GFRA1: variants seen among roughly 807,000 people sequenced by gnomAD.
The protein encoded by GFRA1 is GDNF family receptor alpha-1.
Under a neutral mutation model 51.6 loss-of-function variants are expected in GFRA1, and 16 were observed. The observed-to-expected ratio is 0.31, with a 90% CI of 0.21 to 0.47. The LOEUF is 0.47. GFRA1 is among the 20% of genes least tolerant of loss of function. The pLI is 1.00. For synonymous variants in GFRA1, 270 were observed against 241.3 expected (o/e 1.12, Z -1.10); for missense variants, 530 against 594.3 (o/e 0.89, Z 1.13).
intron 7 of GFRA1, among the ~76,000 whole-genome samples, chr10:116,094,567 A>G: frequency 6.6e-6 from 1 of 152,198 alleles, no homozygotes; most frequent in South Asian, 2.1e-4. Flanking sequence ...TCCAAACCAA[A>G]TGTCTTCTCC....
chr10:116,198,356 A>T (rs1964061288), intron 5 of GFRA1, among the ~76,000 whole-genome samples: 1 of 152,160 alleles, frequency 6.6e-6, no homozygotes, highest in African/African-American at 2.4e-5. Flanking sequence ...AATCCTTCAG[A>T]GATTCACTCA....
intron 5 of GFRA1, among the ~76,000 whole-genome samples, chr10:116,204,614 G>A (rs1964588347): frequency 6.6e-6 from 1 of 152,172 alleles, no homozygotes; most frequent in Non-Finnish European, 1.5e-5. Context: ...GGTTACTTTT[G>A]TTAAGGAATA....
chr10:116,057,748 A>G lies in GFRA1; in HGVS notation c.*6650T>C, dbSNP rs1589752024. 1 of 138,328 alleles carries G rather than the reference A, an allele frequency of 7.2e-6. No individual in the cohort carries two copies. Among genetic ancestry groups the G allele is most frequent in the Non-Finnish European group, 1.5e-5 (1 of 65,154 alleles). 8.6% of individuals were successfully genotyped at this position (138,328 alleles called of 1,614,324 possible). On this transcript the variant is annotated 3_prime_UTR_variant, in exon 11 of 11. Transcript: ENST00000355422. Reference sequence around the variant, plus strand: ...TTTCTGAAACTGTTTTTTTTTTTTCAACCCTCGGAGGACAATCAGCTCTTC... The same window carrying G: ...TTTCTGAAACTGTTTTTTTTTTTTCGACCCTCGGAGGACAATCAGCTCTTC...
intron 5 of GFRA1, among the ~76,000 whole-genome samples, chr10:116,186,864 G>A (rs563574845): frequency 5.3e-5 from 8 of 152,238 alleles, no homozygotes; most frequent in African/African-American, 1.9e-4. Context: ...CGGCCCTTGC[G>A]AGCTTGAAAG....
At chr10:116,122,216 A>C (rs1169647717) in intron 6 of GFRA1, among the ~76,000 whole-genome samples, 3 of 152,120 alleles carry the variant, frequency 2.0e-5, no homozygotes, top group African/African-American at 7.2e-5. Context: ...ACAGCCTCTG[A>C]GCTTCTCCCA....
Position 116,061,756 on chromosome 10 carries a change from G to C in GFRA1, c.*2642C>G, listed in dbSNP as rs916241770. The C allele has an allele frequency of 2.4e-5, 9 of 374,682 alleles. No homozygotes were observed. The Admixed American group carries it at 4.1e-4, about 17-fold the overall frequency. The allele number at this position is 374,682 out of a possible 1,614,324, so 23.2% of individuals were successfully genotyped here. The stretch of plus-strand genomic sequence containing the variant: ...GGACAGGAAGTAGCGAATCATTTTT[G>C]CTTTTAAGCACGCCAAGAAGAAGTG... On this transcript the variant is annotated 3_prime_UTR_variant, in exon 11 of 11. Coordinates refer to ENST00000355422, the MANE Select transcript of GFRA1 (RefSeq NM_005264.8).
chr10:116,092,151 G>A (rs1421090352), intron 8 of GFRA1, among the ~76,000 whole-genome samples: 1 of 135,484 alleles, frequency 7.4e-6, no homozygotes, highest in African/African-American at 2.6e-5. Context: ...TTTCAGTCGA[G>A]ACCAAATAAG....
chr10:116,190,649 ACTCGTGAT>A (rs1963169163), intron 5 of GFRA1, among the ~76,000 whole-genome samples: 2 of 152,082 alleles, frequency 1.3e-5, no homozygotes, highest in Admixed American at 1.3e-4. Flanking sequence ...AAAACCCCAG[ACTCGTGAT>A]CTACCAATCC....
At chr10:116,118,699 T>C (rs1957526465) in intron 6 of GFRA1, among the ~76,000 whole-genome samples, 1 of 152,176 alleles carries the variant, frequency 6.6e-6, no homozygotes, top group Admixed American at 6.5e-5. Context: ...GATGGTCTGG[T>C]GCCATGAGTC....
chr10:116,079,449 A>G (rs2133827641), intron 9 of GFRA1, among the ~76,000 whole-genome samples: 1 of 151,990 alleles, frequency 6.6e-6, no homozygotes, highest in East Asian at 1.9e-4. Flanking sequence ...AGGAAGAAAC[A>G]CGAGGATTCT....
At chr10:116,086,032 C>G (rs1293382638) in intron 9 of GFRA1, among the ~76,000 whole-genome samples, 1 of 152,148 alleles carries the variant, frequency 6.6e-6, no homozygotes, top group Non-Finnish European at 1.5e-5. Context: ...AGTGCCTTGG[C>G]CTCAAAGTTA....
intron 4 of GFRA1, among the ~76,000 whole-genome samples, chr10:116,225,983 T>A (rs1966267869): frequency 6.6e-6 from 1 of 152,200 alleles, no homozygotes; most frequent in South Asian, 2.1e-4. Flanking sequence ...ATGTGGCTCA[T>A]ATTATGTTTC....
intron 6 of GFRA1, among the ~76,000 whole-genome samples, chr10:116,118,342 C>A (rs1957511964): frequency 6.6e-6 from 1 of 152,196 alleles, no homozygotes; most frequent in Non-Finnish European, 1.5e-5. Context: ...TGGGAGCTCT[C>A]TGATGCTCTC....
intron 5 of GFRA1, among the ~76,000 whole-genome samples, chr10:116,190,972 G>A (rs1156240120): frequency 9.2e-5 from 14 of 152,188 alleles, no homozygotes; most frequent in Admixed American, 9.2e-4. Context: ...AAAAACAAGA[G>A]AATCCGAGGG....
intron 5 of GFRA1, among the ~76,000 whole-genome samples, chr10:116,154,125 C>G (rs1036406563): frequency 6.6e-6 from 1 of 152,108 alleles, no homozygotes; most frequent in Admixed American, 6.5e-5. Flanking sequence ...CTCTTACAAT[C>G]TGCTGGTGGG....
chr10:116,116,463 GTGAGGGT>G (rs1957416449), intron 6 of GFRA1, among the ~76,000 whole-genome samples: 2 of 152,226 alleles, frequency 1.3e-5, no homozygotes, highest in Admixed American at 1.3e-4. Context: ...CTTCAGGTAG[GTGAGGGT>G]TGAGGACACT....
intron 5 of GFRA1, among the ~76,000 whole-genome samples, chr10:116,144,903 C>G (rs773733793): frequency 5.9e-5 from 9 of 151,906 alleles, no homozygotes; most frequent in Non-Finnish European, 1.0e-4. Context: ...AATCCCAGCA[C>G]TTTGGGAGGC....
At position 116,062,272 on chromosome 10, in the gene GFRA1, T is replaced by C. The variant is rs2133747769; in HGVS notation, c.*2126A>G. On this transcript the variant is annotated 3_prime_UTR_variant, in exon 11 of 11. Transcript: ENST00000355422. ...CAGAGATACCTTAATGAAAACAAAA[T>C]ACACTCTGTAAGAGATATGCGCTCA... 2.5e-6 allele frequency: 1 copy of C among 396,996 alleles called. No homozygotes were observed. Among genetic ancestry groups the C allele is most frequent in the South Asian group, 1.4e-4 (1 of 7,118 alleles). The allele number at this position is 396,996 out of a possible 1,614,324, so 24.6% of individuals were successfully genotyped here. A position where few individuals can be genotyped will look rare whatever the true frequency, so the allele number is the denominator to read the frequency against.
At chr10:116,101,786 G>A (rs3781514) in intron 6 of GFRA1, among the ~76,000 whole-genome samples, 18,214 of 152,140 alleles carry the variant, frequency 0.12, 1,336 homozygotes, top group Non-Finnish European at 0.16. Flanking sequence ...GTGGAATTGA[G>A]CCTTGGACTG....
Sources: gnomAD v4.1 joint callset for allele counts (sites outside exome capture counted in the v4.1 genomes callset) on GRCh38, gnomAD v4.1.1 for gene constraint, MANE v1.5 for transcripts, NCBI Gene and HGNC (gene_info 2026-07-23, HGNC 2026-07-21) for gene names.